ANKRD11: variants seen among roughly 807,000 people sequenced by gnomAD.
ANKRD11 encodes the protein ankyrin repeat domain 11.
A neutral mutation model predicts 195.7 loss-of-function variants in ANKRD11; 17 were observed. The ratio of observed to expected loss-of-function variants is 0.09; its 90% CI spans 0.06 to 0.13. ANKRD11 has a LOEUF of 0.13. Ranked by LOEUF, ANKRD11 falls within the 10% of genes least tolerant of loss-of-function variation. The pLI is 1.00. For missense variants in ANKRD11, 3,735 were observed against 3,566.1 expected (o/e 1.05, Z -1.21); for synonymous variants, 1,953 against 1,528.1 (o/e 1.28, Z -6.49).
At chr16:89,272,119 A>T (rs1457581957) in intron 11 of ANKRD11, 1 of 152,198 alleles carries the variant, frequency 6.6e-6, no homozygotes, top group Admixed American at 6.5e-5. Flanking sequence ...AGACACACAA[A>T]TGGCCAACAG....
chr16:89,464,741 G>T (rs985123069), intron 1 of ANKRD11, among the ~76,000 whole-genome samples: 1 of 152,036 alleles, frequency 6.6e-6, no homozygotes, highest in Non-Finnish European at 1.5e-5. Context: ...GAAAGTAAAT[G>T]AAATCAGACA....
In ANKRD11 at chr16:89,305,061, CT is replaced by C. The variant is rs1451141775; in HGVS notation, c.226+144del. On this transcript the variant is annotated intron_variant, in intron 4 of 12. Coordinates refer to ENST00000301030, the MANE Select transcript of ANKRD11 (RefSeq NM_013275.6). ...GCATGTGGGGGCCTGTGCTCCGCCC[CT>C]GCTGCCTCTTGCCTGGACGGCGTGC... 4 of 1,307,184 alleles carry C rather than the reference CT, an allele frequency of 3.1e-6. No individual in the cohort carries two copies. The Admixed American group carries it at 9.2e-5, about 30-fold the overall frequency. 81.0% of individuals were successfully genotyped at this position (1,307,184 alleles called of 1,614,324 possible).
chr16:89,313,343 G>A (rs1420096433), intron 3 of ANKRD11: 1 of 1,287,402 alleles, frequency 7.8e-7, no homozygotes, highest in African/African-American at 1.5e-5. Context: ...ACTCAACGAT[G>A]CAGACACCTG....
chr16:89,269,080 AG>A (rs1383165235), intron 12 of ANKRD11, among the ~76,000 whole-genome samples: 1 of 152,234 alleles, frequency 6.6e-6, no homozygotes, highest in Non-Finnish European at 1.5e-5. Context: ...AGTGCACATA[AG>A]GGGACTGGAC....
intron 2 of ANKRD11, among the ~76,000 whole-genome samples, chr16:89,332,515 C>G (rs562684826): frequency 1.3e-5 from 2 of 152,252 alleles, no homozygotes; most frequent in Non-Finnish European, 2.9e-5. Context: ...ACAGCCTCGT[C>G]TGCTCACTGA....
intron 1 of ANKRD11, among the ~76,000 whole-genome samples, chr16:89,438,494 G>C (rs888688490): frequency 6.6e-6 from 1 of 152,058 alleles, no homozygotes; most frequent in Admixed American, 6.6e-5. Flanking sequence ...TAATTTGTGT[G>C]TGTGTGTGCG....
At chr16:89,436,724 C>T (rs1011930060) in intron 1 of ANKRD11, among the ~76,000 whole-genome samples, 2 of 151,990 alleles carry the variant, frequency 1.3e-5, no homozygotes, top group African/African-American at 2.4e-5. Context: ...GGAGGACACG[C>T]GAAAAACCAA....
intron 2 of ANKRD11, among the ~76,000 whole-genome samples, chr16:89,375,949 T>A (rs1310415367): frequency 6.6e-6 from 1 of 152,132 alleles, no homozygotes; most frequent in Non-Finnish European, 1.5e-5. Flanking sequence ...TAAACTTGCG[T>A]GACACGCCGC....
chr16:89,280,070 C>T lies in ANKRD11; in HGVS notation c.6472G>A (p.Glu2158Lys), dbSNP rs869312713. Residue 2158 changes from glutamate (E) to lysine (K), a missense_variant, in exon 9 of 13, where the codon GAA becomes AAA. Physicochemically the swap from Glu to Lys is moderately conservative, Grantham distance 56 (BLOSUM62 1). Transcript: ENST00000301030. ...ATCTCTTCTGGAGGAGCAAGACTTTCTTCCACGGGTTCCGCTTCACCATCT... is the reference window on the plus strand; with the variant it reads ...ATCTCTTCTGGAGGAGCAAGACTTTTTTCCACGGGTTCCGCTTCACCATCT... The part of the protein sequence containing the change: ...AADGEAEPVE[E>K]SLAPPEEMPP... 1.2e-6 allele frequency: 2 copies of T among 1,613,112 alleles called. No homozygotes were observed. The highest frequency in any genetic ancestry group is 1.3e-5 in the African/African-American group (1 of 75,064).
intron 1 of ANKRD11, among the ~76,000 whole-genome samples, chr16:89,487,583 G>C (rs2152383273): frequency 6.6e-6 from 1 of 152,214 alleles, no homozygotes; most frequent in East Asian, 1.9e-4. Flanking sequence ...AGACCAGCGT[G>C]GCCAACATGG....
chr16:89,463,032 C>G (rs2056749739), intron 1 of ANKRD11, among the ~76,000 whole-genome samples: 1 of 146,410 alleles, frequency 6.8e-6, no homozygotes, highest in Non-Finnish European at 1.5e-5. Flanking sequence ...GCCAGCCGCC[C>G]CATCCGGGAG....
At chr16:89,322,220 T>C (rs548552124) in intron 2 of ANKRD11, among the ~76,000 whole-genome samples, 2 of 152,330 alleles carry the variant, frequency 1.3e-5, no homozygotes, top group Admixed American at 6.5e-5. Flanking sequence ...CAAGCCCCCT[T>C]ACACCTGGGT....
intron 1 of ANKRD11, among the ~76,000 whole-genome samples, chr16:89,445,845 T>C (rs377016458): frequency 3.1e-4 from 47 of 152,172 alleles, no homozygotes; most frequent in African/African-American, 1.1e-3. Flanking sequence ...GGTGCATGCC[T>C]GTAATCCCAG....
chr16:89,386,017 C>A (rs1458149180), intron 2 of ANKRD11, among the ~76,000 whole-genome samples: 1 of 152,244 alleles, frequency 6.6e-6, no homozygotes, highest in African/African-American at 2.4e-5. Context: ...GTAGCTGGGA[C>A]CACGGGTGTG....
chr16:89,463,825 C>T (rs1203227877), intron 1 of ANKRD11, among the ~76,000 whole-genome samples: 1 of 151,968 alleles, frequency 6.6e-6, no homozygotes, highest in Non-Finnish European at 1.5e-5. Flanking sequence ...AAGTTTAATG[C>T]TCCCATGGCT....
chr16:89,462,033 CCCCTCTCCCTCTCCCCCTCT>C (rs1279030860), intron 1 of ANKRD11, among the ~76,000 whole-genome samples: 2 of 141,904 alleles, frequency 1.4e-5, no homozygotes, highest in African/African-American at 5.1e-5. Flanking sequence ...CCTCTCCCTC[CCCCTCTCCCTCTCCCCCTCT>C]CCCTCTCCCT....
At chr16:89,484,529 A>G (rs1208678965) in intron 1 of ANKRD11, among the ~76,000 whole-genome samples, 1 of 152,222 alleles carries the variant, frequency 6.6e-6, no homozygotes, top group Non-Finnish European at 1.5e-5. Context: ...CTGCATTCCA[A>G]AATTTATTCT....
chr16:89,303,091 G>A (rs547580399), intron 4 of ANKRD11, among the ~76,000 whole-genome samples: 76 of 152,264 alleles, frequency 5.0e-4, no homozygotes, highest in Non-Finnish European at 9.7e-4. Flanking sequence ...AGCCAGATGG[G>A]GTGGGCACCA....
At chr16:89,471,085 G>A (rs2057069267) in intron 1 of ANKRD11, among the ~76,000 whole-genome samples, 1 of 152,098 alleles carries the variant, frequency 6.6e-6, no homozygotes, top group Non-Finnish European at 1.5e-5. Context: ...GGGCGCAGTG[G>A]CTCACTCCTG....
Sources: allele counts gnomAD v4.1 joint callset (sites outside exome capture counted in the v4.1 genomes callset), GRCh38; gene constraint gnomAD v4.1.1; transcripts MANE v1.5; gene names NCBI Gene and HGNC (gene_info 2026-07-23, HGNC 2026-07-21).